BNC2: variants seen among roughly 807,000 people sequenced by gnomAD.
BNC2 encodes zinc finger protein basonuclin-2.
A neutral mutation model predicts 76.3 loss-of-function variants in BNC2; 20 were observed. That is an observed-to-expected ratio of 0.26 (90% CI 0.18 to 0.38). BNC2 has a LOEUF of 0.38. Ranked by LOEUF, BNC2 falls within the 10% of genes least tolerant of loss-of-function variation. The probability of loss-of-function intolerance (pLI) is 1.00; values close to 1 mark genes in which losing one functional copy is unlikely to be tolerated. For synonymous variants in BNC2, 582 were observed against 514.8 expected (o/e 1.13, Z -1.77); for missense variants, 1,382 against 1,399.8 (o/e 0.99, Z 0.20).
intron 5 of BNC2, among the ~76,000 whole-genome samples, chr9:16,501,585 T>C (rs1028630879): frequency 6.6e-6 from 1 of 152,170 alleles, no homozygotes; most frequent in African/African-American, 2.4e-5. Context: ...TACATGCTTT[T>C]AGAACTAAAC....
At chr9:16,677,584 C>CACACACACACACAT (rs1296933094) in intron 3 of BNC2, among the ~76,000 whole-genome samples, 1 of 151,294 alleles carries the variant, frequency 6.6e-6, no homozygotes, top group East Asian at 1.9e-4. Flanking sequence ...AACAAACACA[C>CACACACACACACAT]ACACACACAC....
intron 1 of BNC2, among the ~76,000 whole-genome samples, chr9:16,781,773 T>C (rs7855465): frequency 0.25 from 38,281 of 152,096 alleles, 6,253 homozygotes; most frequent in East Asian, 0.68. Flanking sequence ...GATGATAGAA[T>C]ATTATACAGC....
At chr9:16,543,614 G>A (rs936783418) in intron 5 of BNC2, among the ~76,000 whole-genome samples, 1 of 152,254 alleles carries the variant, frequency 6.6e-6, no homozygotes, top group East Asian at 1.9e-4. Context: ...TTTTTATTTT[G>A]CAAGAGTAAA....
intron 1 of BNC2, among the ~76,000 whole-genome samples, chr9:16,808,433 C>A (rs995728388): frequency 1.3e-5 from 2 of 150,846 alleles, no homozygotes; most frequent in African/African-American, 2.4e-5. Context: ...CAACCTGAGC[C>A]CCAGGCCTGA....
At chr9:16,815,165 C>CA (rs1201833670) in intron 1 of BNC2, among the ~76,000 whole-genome samples, 4 of 152,058 alleles carry the variant, frequency 2.6e-5, no homozygotes, top group African/African-American at 9.7e-5. Context: ...ACTCCAAAAG[C>CA]AAAGTCAAGG....
At chr9:16,555,080 C>T (rs544825805) in intron 4 of BNC2, among the ~76,000 whole-genome samples, 2 of 147,574 alleles carry the variant, frequency 1.4e-5, no homozygotes, top group African/African-American at 2.7e-5. Context: ...AGGGCAGTGG[C>T]GCGATCTCGG....
At chr9:16,695,635 A>C (rs369887776) in intron 3 of BNC2, among the ~76,000 whole-genome samples, 2 of 150,216 alleles carry the variant, frequency 1.3e-5, no homozygotes, top group Non-Finnish European at 3.0e-5. Flanking sequence ...GCGGCCTCCC[A>C]AAGTACTGGG....
chr9:16,437,195 T>G lies in BNC2; in HGVS notation c.999A>C (p.Ala333=). 2 of 1,614,170 alleles carry G rather than the reference T, an allele frequency of 1.2e-6. No individual in the cohort carries two copies. Among genetic ancestry groups the G allele is most frequent in the Non-Finnish European group, 1.7e-6 (2 of 1,180,020 alleles). The part of the protein sequence containing the change: ...LPFQYINPVS[A]PLLGLPPNGL... The stretch of plus-strand genomic sequence containing the variant: ...CATTTGGAGGCAACCCTAGCAGTGG[T>G]GCTGAGACAGGGTTTATGTACTGGA... The change falls in exon 6 of 7, where the codon GCA becomes GCC. Residue 333 remains alanine, a synonymous_variant. Coordinates refer to ENST00000380672, the MANE Select transcript of BNC2 (RefSeq NM_017637.6).
At chr9:16,865,788 G>A (rs35336333) in intron 1 of BNC2, among the ~76,000 whole-genome samples, 21,480 of 152,040 alleles carry the variant, frequency 0.14, 2,154 homozygotes, top group African/African-American at 0.26. Flanking sequence ...TCATTCTTAC[G>A]CATATTGAGT....
chr9:16,789,522 A>T, intron 1 of BNC2, among the ~76,000 whole-genome samples: 1 of 152,152 alleles, frequency 6.6e-6, no homozygotes, highest in Non-Finnish European at 1.5e-5. Context: ...ATGCAGAAGC[A>T]TCTCACCACT....
At chr9:16,518,023 T>C (rs1040352545) in intron 5 of BNC2, among the ~76,000 whole-genome samples, 1 of 152,220 alleles carries the variant, frequency 6.6e-6, no homozygotes, top group African/African-American at 2.4e-5. Flanking sequence ...ACCAGTTGCA[T>C]CTTGAGAGTG....
intron 1 of BNC2, among the ~76,000 whole-genome samples, chr9:16,784,165 C>G (rs1826221171): frequency 6.6e-6 from 1 of 152,208 alleles, no homozygotes; most frequent in Non-Finnish European, 1.5e-5. Flanking sequence ...ACTGCTGTAG[C>G]ACTGGAGATT....
At chr9:16,512,762 C>A (rs1334219492) in intron 5 of BNC2, among the ~76,000 whole-genome samples, 3 of 152,056 alleles carry the variant, frequency 2.0e-5, no homozygotes, top group Non-Finnish European at 4.4e-5. Flanking sequence ...TCATCTCAAC[C>A]ATCAATTAGT....
intron 1 of BNC2, among the ~76,000 whole-genome samples, chr9:16,813,428 G>A (rs931115821): frequency 3.3e-5 from 5 of 151,852 alleles, no homozygotes; most frequent in African/African-American, 1.2e-4. Context: ...ACTACGCCCG[G>A]CTAATTTTTT....
At chr9:16,817,880 G>A (rs1354760306) in intron 1 of BNC2, among the ~76,000 whole-genome samples, 1 of 152,120 alleles carries the variant, frequency 6.6e-6, no homozygotes, top group Non-Finnish European at 1.5e-5. Context: ...TAGGGTCAGG[G>A]ATTGAAAGCA....
At chr9:16,572,569 G>A (rs1482763718) in intron 4 of BNC2, among the ~76,000 whole-genome samples, 1 of 152,114 alleles carries the variant, frequency 6.6e-6, no homozygotes, top group Non-Finnish European at 1.5e-5. Flanking sequence ...TTAGTGGAAG[G>A]ATCAGTATTA....
At chr9:16,662,384 T>C (rs949616911) in intron 3 of BNC2, among the ~76,000 whole-genome samples, 2 of 152,220 alleles carry the variant, frequency 1.3e-5, no homozygotes, top group Non-Finnish European at 2.9e-5. Context: ...TTAAAATAAA[T>C]ACTGATTACA....
At chr9:16,827,904 C>CA (rs1586916308) in intron 1 of BNC2, among the ~76,000 whole-genome samples, 1 of 152,018 alleles carries the variant, frequency 6.6e-6, no homozygotes, top group Non-Finnish European at 1.5e-5. Flanking sequence ...CCCATTCATC[C>CA]AAAAAACATT....
At chr9:16,463,696 A>G (rs940023326) in intron 5 of BNC2, among the ~76,000 whole-genome samples, 1 of 152,188 alleles carries the variant, frequency 6.6e-6, no homozygotes, top group African/African-American at 2.4e-5. Context: ...AATGACGGTT[A>G]CATATTAACA....
Sources: allele counts gnomAD v4.1 joint callset (sites outside exome capture counted in the v4.1 genomes callset), GRCh38; gene constraint gnomAD v4.1.1; transcripts MANE v1.5; gene names NCBI Gene and HGNC (gene_info 2026-07-23, HGNC 2026-07-21).